Variants in C8orf34 observed in about 807,000 individuals in gnomAD.
C8orf34 encodes the protein chromosome 8 open reading frame 34, also known as uncharacterized protein C8orf34.
A neutral mutation model predicts 68.3 loss-of-function variants in C8orf34; 65 were observed. That is an observed-to-expected ratio of 0.95 (90% CI 0.78 to 1.17). The LOEUF (loss-of-function observed/expected upper bound fraction) is 1.17, where lower values mean the gene tolerates loss of function less well. Ranked by LOEUF, C8orf34 falls within the 50% of genes most tolerant of loss-of-function variation. The pLI is 0.00. For synonymous variants in C8orf34, 244 were observed against 241.2 expected (o/e 1.01, Z -0.11); for missense variants, 664 against 655.4 (o/e 1.01, Z -0.14).
At chr8:68,766,555 A>G (rs1448963939) in intron 10 of C8orf34, among the ~76,000 whole-genome samples, 1 of 152,220 alleles carries the variant, frequency 6.6e-6, no homozygotes, top group Non-Finnish European at 1.5e-5. Context: ...AAATCAAAAC[A>G]ATAAGAATGT....
At chr8:68,384,592 CAGGGTGAGT>C (rs1586029073) in intron 1 of C8orf34, among the ~76,000 whole-genome samples, 2 of 152,126 alleles carry the variant, frequency 1.3e-5, no homozygotes, top group East Asian at 3.8e-4. Flanking sequence ...TAGTAAAAGC[CAGGGTGAGT>C]TTATTCCATA....
chr8:68,535,243 T>C (rs902939120), intron 7 of C8orf34: 1 of 979,196 alleles, frequency 1.0e-6, no homozygotes, highest in Non-Finnish European at 1.2e-6. Flanking sequence ...AGAGTTTATA[T>C]AGAATCATTG....
In C8orf34 at chr8:68,582,367, T is replaced by G. The variant is rs573384224; in HGVS notation, c.1105+49218T>G. On this transcript the variant is annotated intron_variant, in intron 7 of 13. Transcript: ENST00000518698. ...AGGATATTACCCCTCTGGAAAAGAG[T>G]CTTATAATCTACTATAGGACAAGGG... is the stretch of plus-strand genomic sequence containing the variant. Among the ~76,000 whole-genome samples the G allele has an allele frequency of 2.0e-5, 3 of 152,064 alleles. 1 individual carries two copies. Among genetic ancestry groups the G allele is most frequent in the African/African-American group, 7.2e-5 (3 of 41,500 alleles).
intron 7 of C8orf34, among the ~76,000 whole-genome samples, chr8:68,606,098 C>A (rs1817845753): frequency 6.6e-6 from 1 of 152,082 alleles, no homozygotes; most frequent in African/African-American, 2.4e-5. Context: ...AATTGTTATG[C>A]TTTCTGCAAC....
intron 1 of C8orf34, among the ~76,000 whole-genome samples, chr8:68,356,471 C>T (rs1262251197): frequency 6.6e-6 from 1 of 151,986 alleles, no homozygotes; most frequent in Non-Finnish European, 1.5e-5. Context: ...CAAAAGCCTG[C>T]CTTGATTTTC....
chr8:68,630,019 T>C (rs187613318), intron 7 of C8orf34, among the ~76,000 whole-genome samples: 44 of 152,266 alleles, frequency 2.9e-4, no homozygotes, highest in Non-Finnish European at 4.9e-4. Flanking sequence ...TGTCAATAAA[T>C]GTATTCTTCT....
intron 8 of C8orf34, among the ~76,000 whole-genome samples, chr8:68,687,027 A>G (rs1389923721): frequency 1.3e-5 from 2 of 152,088 alleles, no homozygotes; most frequent in African/African-American, 4.8e-5. Context: ...AGCTTCAAGA[A>G]AAATAAAATA....
At chr8:68,417,906 T>C (rs549820500) in intron 1 of C8orf34, among the ~76,000 whole-genome samples, 9 of 151,932 alleles carry the variant, frequency 5.9e-5, no homozygotes, top group Non-Finnish European at 1.3e-4. Context: ...TTTCAAGATA[T>C]TGATTCTTCC....
chr8:68,377,393 T>C (rs1194160179), intron 1 of C8orf34, among the ~76,000 whole-genome samples: 1 of 118,424 alleles, frequency 8.4e-6, no homozygotes, highest in Non-Finnish European at 1.8e-5. Flanking sequence ...GGAGACCCTG[T>C]CTCAAATTAA....
intron 12 of C8orf34, among the ~76,000 whole-genome samples, chr8:68,797,432 A>G (rs1824210218): frequency 6.6e-6 from 1 of 152,098 alleles, no homozygotes. Context: ...TCTCATTACT[A>G]GGAGTGACAC....
chr8:68,391,974 C>G (rs564145059), intron 1 of C8orf34, among the ~76,000 whole-genome samples: 8 of 152,124 alleles, frequency 5.3e-5, no homozygotes, highest in Non-Finnish European at 1.0e-4. Context: ...ATGAACATCG[C>G]TAATGAATGC....
chr8:68,415,989 G>A (rs1324002701), intron 1 of C8orf34, among the ~76,000 whole-genome samples: 2 of 152,294 alleles, frequency 1.3e-5, no homozygotes, highest in Admixed American at 6.5e-5. Context: ...ATTCTAAAAT[G>A]AGAAAAGAAT....
intron 7 of C8orf34, among the ~76,000 whole-genome samples, chr8:68,588,619 AG>A (rs1346484303): frequency 6.6e-6 from 1 of 152,156 alleles, no homozygotes; most frequent in African/African-American, 2.4e-5. Context: ...AAAGAACTGT[AG>A]GTATTAAGTT....
intron 10 of C8orf34, among the ~76,000 whole-genome samples, chr8:68,762,967 G>A (rs959850350): frequency 2.3e-4 from 35 of 152,172 alleles, no homozygotes; most frequent in African/African-American, 8.4e-4. Flanking sequence ...TAGATGTAAT[G>A]AAGCATTGGA....
At chr8:68,619,122 G>A (rs1015922673) in intron 7 of C8orf34, among the ~76,000 whole-genome samples, 38 of 152,086 alleles carry the variant, frequency 2.5e-4, no homozygotes, top group African/African-American at 8.9e-4. Flanking sequence ...GAGCTCAGGA[G>A]TTTGAGACCA....
At chr8:68,748,701 C>T (rs1427719337) in intron 10 of C8orf34, among the ~76,000 whole-genome samples, 2 of 151,752 alleles carry the variant, frequency 1.3e-5, no homozygotes, top group African/African-American at 4.8e-5. Flanking sequence ...CATCTCACAC[C>T]AGTTAGAATG....
At chr8:68,674,746 A>C (rs957061039) in intron 8 of C8orf34, among the ~76,000 whole-genome samples, 1 of 152,098 alleles carries the variant, frequency 6.6e-6, no homozygotes, top group Non-Finnish European at 1.5e-5. Context: ...ATATCAGAGA[A>C]CTTTTCAAAC....
At chr8:68,685,161 T>G (rs1820478071) in intron 8 of C8orf34, among the ~76,000 whole-genome samples, 1 of 152,172 alleles carries the variant, frequency 6.6e-6, no homozygotes, top group African/African-American at 2.4e-5. Flanking sequence ...CTTGAACCTA[T>G]TGTTATTTCA....
intron 1 of C8orf34, among the ~76,000 whole-genome samples, chr8:68,401,044 G>C (rs564086062): frequency 4.0e-5 from 6 of 150,034 alleles, no homozygotes; most frequent in Non-Finnish European, 5.9e-5. Flanking sequence ...TGTTATCTTC[G>C]GTTTCTTTCA....
Sources: gnomAD v4.1 joint callset for allele counts (sites outside exome capture counted in the v4.1 genomes callset) on GRCh38, gnomAD v4.1.1 for gene constraint, MANE v1.5 for transcripts, NCBI Gene and HGNC (gene_info 2026-07-23, HGNC 2026-07-21) for gene names.